CFAP52: variants seen among roughly 807,000 people sequenced by gnomAD.
The protein encoded by CFAP52 is cilia and flagella associated protein 52.
In CFAP52, 57 loss-of-function variants were observed where a neutral mutation model predicts 70.5. The observed-to-expected ratio is 0.81, with a 90% CI of 0.65 to 1.01. The LOEUF (loss-of-function observed/expected upper bound fraction) is 1.01, where lower values mean the gene tolerates loss of function less well. CFAP52 is among the 50% of genes least tolerant of loss of function. The probability of loss-of-function intolerance (pLI) is 0.00; values close to 1 mark genes in which losing one functional copy is unlikely to be tolerated. For synonymous variants in CFAP52, 267 were observed against 292.5 expected (o/e 0.91, Z 0.89); for missense variants, 785 against 788.5 (o/e 1.00, Z 0.05).
intron 6 of CFAP52, among the ~76,000 whole-genome samples, chr17:9,606,393 AC>A: frequency 6.6e-6 from 1 of 152,040 alleles, no homozygotes; most frequent in Non-Finnish European, 1.5e-5. Flanking sequence ...ATACACACAC[AC>A]ACACACACAC....
chr17:9,623,179 A>G (rs1202839142), intron 8 of CFAP52, among the ~76,000 whole-genome samples: 2 of 152,272 alleles, frequency 1.3e-5, no homozygotes, highest in African/African-American at 4.8e-5. Context: ...CATTTTTATT[A>G]AAGTGTTCCT....
At chr17:9,635,301 A>C in intron 10 of CFAP52, 104 bp from the exon 11 acceptor site, 1 of 1,508,436 alleles carries the variant, frequency 6.6e-7, no homozygotes, top group Non-Finnish European at 8.9e-7. Flanking sequence ...GAATTAAAAA[A>C]ACACAAATCA....
downstream of CFAP52, among the ~76,000 whole-genome samples, chr17:9,643,931 T>C (rs1911204264): frequency 6.6e-6 from 1 of 152,222 alleles, no homozygotes; most frequent in South Asian, 2.1e-4. Flanking sequence ...TGTGTATTAA[T>C]CACCCAGCCG....
intron 10 of CFAP52, 70 bp from the exon 11 acceptor site, chr17:9,635,335 C>T: frequency 3.2e-6 from 5 of 1,579,364 alleles, no homozygotes; most frequent in Non-Finnish European, 4.3e-6. Context: ...GGAAAAAGCT[C>T]TTGGAATCTT....
intron 1 of CFAP52, chr17:9,584,351 C>T (rs1346776473): frequency 2.3e-6 from 3 of 1,289,266 alleles, no homozygotes; most frequent in South Asian, 2.5e-5. Context: ...ATGAAAGGTC[C>T]CAGGCTCTTC....
chr17:9,591,191 C>A (rs1358639116), intron 3 of CFAP52, among the ~76,000 whole-genome samples: 2 of 142,668 alleles, frequency 1.4e-5, no homozygotes, highest in African/African-American at 5.2e-5. Flanking sequence ...GCATGCACCA[C>A]CATGCCTGGC....
chr17:9,641,321 G>T (rs1052759509), intron 12 of CFAP52, among the ~76,000 whole-genome samples: 1 of 152,160 alleles, frequency 6.6e-6, no homozygotes, highest in Non-Finnish European at 1.5e-5. Context: ...CCAGTCTCTA[G>T]AACTCTGGGG....
chr17:9,577,415 ATTG>A (rs912484934), intron 1 of CFAP52, among the ~76,000 whole-genome samples: 17 of 152,178 alleles, frequency 1.1e-4, no homozygotes, highest in Non-Finnish European at 1.5e-4. Flanking sequence ...GTGACTGCCT[ATTG>A]TTTTGAAGAT....
intron 3 of CFAP52, 121 bp from the exon 4 acceptor site, chr17:9,594,072 G>C: frequency 3.6e-6 from 5 of 1,398,686 alleles, no homozygotes; most frequent in Non-Finnish European, 2.8e-6. Context: ...TAATTTTGTT[G>C]TTCGTTTTTA....
At chr17:9,613,143 TTC>T (rs1909776707) in intron 8 of CFAP52, among the ~76,000 whole-genome samples, 1 of 151,798 alleles carries the variant, frequency 6.6e-6, no homozygotes. Flanking sequence ...GGTACCTGTT[TTC>T]AAACTTCTTT....
chr17:9,595,248 G>C (rs1481040741), intron 4 of CFAP52, among the ~76,000 whole-genome samples: 2 of 152,110 alleles, frequency 1.3e-5, no homozygotes, highest in African/African-American at 4.8e-5. Flanking sequence ...GTGTTCAGTA[G>C]AACTATTTTT....
intron 9 of CFAP52, among the ~76,000 whole-genome samples, chr17:9,630,908 C>A (rs1910450759): frequency 1.3e-5 from 2 of 149,220 alleles, no homozygotes; most frequent in Non-Finnish European, 3.0e-5. Flanking sequence ...GTTTCTTGAA[C>A]CCGGGAGGTG....
intron 6 of CFAP52, among the ~76,000 whole-genome samples, chr17:9,605,933 A>C (rs975401489): frequency 6.6e-6 from 1 of 152,142 alleles, no homozygotes; most frequent in Admixed American, 6.6e-5. Flanking sequence ...ACATAGGTTT[A>C]TTAGCTGTCA....
chr17:9,588,793 A>G (rs1908615360), intron 3 of CFAP52, among the ~76,000 whole-genome samples: 1 of 140,518 alleles, frequency 7.1e-6, no homozygotes, highest in Non-Finnish European at 1.5e-5. Context: ...TTTTTTTGAG[A>G]TGGAGTTTCA....
intron 12 of CFAP52, among the ~76,000 whole-genome samples, chr17:9,641,274 G>A (rs1219896959): frequency 6.6e-6 from 1 of 152,158 alleles, no homozygotes; most frequent in Admixed American, 6.5e-5. Context: ...TGAGGAAGAG[G>A]GAGGGCGCAG....
chr17:9,614,481 A>G (rs544440355), intron 8 of CFAP52, among the ~76,000 whole-genome samples: 5 of 152,016 alleles, frequency 3.3e-5, no homozygotes, highest in Non-Finnish European at 5.9e-5. Context: ...CTTGCCATCA[A>G]TTTTACTTAG....
intron 1 of CFAP52, among the ~76,000 whole-genome samples, chr17:9,581,246 G>A (rs142850889): frequency 2.0e-5 from 3 of 152,346 alleles, no homozygotes; most frequent in African/African-American, 4.8e-5. Flanking sequence ...GAACCCGGAA[G>A]TGCTGGTTGC....
In CFAP52 at chr17:9,638,679, T is replaced by C; in HGVS notation, c.1543T>C (p.Phe515Leu). 1 of 1,614,042 alleles carries C rather than the reference T, an allele frequency of 6.2e-7. No individual in the cohort carries two copies. The highest frequency in any genetic ancestry group is 1.3e-5 in the African/African-American group (1 of 75,010). The change falls in exon 12 of 14, where the codon TTC becomes CTC. Residue 515 changes from phenylalanine to leucine, a missense_variant. Transcript: ENST00000352665. ...FQCVCYHPEEFQIITSGTDRK... is the reference protein window; with the variant it reads ...FQCVCYHPEELQIITSGTDRK... ...GTGTGTGTGCTATCACCCTGAGGAG[T>C]TCCAGATCATCACCAGCGGAACAGA...
At chr17:9,630,566 A>G (rs753905234) in intron 9 of CFAP52, among the ~76,000 whole-genome samples, 38 of 147,606 alleles carry the variant, frequency 2.6e-4, no homozygotes, top group Non-Finnish European at 3.3e-4. Context: ...AGTAGCTGGG[A>G]CTACAGGCGC....
Sources: gnomAD v4.1 joint callset for allele counts (sites outside exome capture counted in the v4.1 genomes callset) on GRCh38, gnomAD v4.1.1 for gene constraint, MANE v1.5 for transcripts, NCBI Gene and HGNC (gene_info 2026-07-23, HGNC 2026-07-21) for gene names.